RBFOX1: variants seen among roughly 807,000 people sequenced by gnomAD.
RBFOX1 encodes RNA binding fox-1 homolog 1.
RBFOX1 carries 8 observed loss-of-function variants against 57.7 expected under a neutral mutation model. That is an observed-to-expected ratio of 0.14 (90% confidence interval 0.08 to 0.25). The LOEUF (loss-of-function observed/expected upper bound fraction) is 0.25, where lower values mean the gene tolerates loss of function less well. Among genes scored for constraint, RBFOX1 ranks in the 10% least tolerant of loss-of-function variants. RBFOX1 has a pLI of 1.00. For synonymous variants in RBFOX1, 326 were observed against 222.4 expected (o/e 1.47, Z -4.15); for missense variants, 611 against 548.5 (o/e 1.11, Z -1.14).
At chr16:6,977,416 C>T (rs1403024342) in intron 3 of RBFOX1, among the ~76,000 whole-genome samples, 1 of 152,022 alleles carries the variant, frequency 6.6e-6, no homozygotes, top group Non-Finnish European at 1.5e-5. Flanking sequence ...GTTTAGCAAA[C>T]ATTATTTACT....
chr16:7,446,955 G>A (rs1177807344), intron 4 of RBFOX1, among the ~76,000 whole-genome samples: 1 of 151,476 alleles, frequency 6.6e-6, no homozygotes, highest in Non-Finnish European at 1.5e-5. Context: ...TGGGACTACA[G>A]GTGCCCGCCA....
At chr16:6,972,837 C>A (rs1156336369) in intron 3 of RBFOX1, among the ~76,000 whole-genome samples, 3 of 152,018 alleles carry the variant, frequency 2.0e-5, no homozygotes, top group African/African-American at 7.3e-5. Context: ...AAACCAGAGA[C>A]AAGGGGCCGG....
chr16:6,863,420 G>C lies in RBFOX1; in HGVS notation c.-15-188637G>C, dbSNP rs138602432. Reference sequence around the variant, plus strand: ...AAGCTCCTTACTAAAATTTAGAAAAGGCCCATAATGGAAGGAACTAAGCAA... The same window carrying C: ...AAGCTCCTTACTAAAATTTAGAAAACGCCCATAATGGAAGGAACTAAGCAA... On this transcript the variant is annotated intron_variant, in intron 3 of 15. Coordinates refer to ENST00000550418, the MANE Select transcript of RBFOX1 (RefSeq NM_018723.4). Among the ~76,000 whole-genome samples the C allele has an allele frequency of 1.3e-3, 205 of 152,058 alleles. 1 individual carries two copies. The highest frequency in any genetic ancestry group is 4.8e-3 in the African/African-American group (200 of 41,458).
intron 2 of RBFOX1, among the ~76,000 whole-genome samples, chr16:5,509,570 A>T (rs2043506020): frequency 6.6e-6 from 1 of 152,172 alleles, no homozygotes; most frequent in Non-Finnish European, 1.5e-5. Flanking sequence ...GTGTTGTTAG[A>T]GTCTTTGTCT....
chr16:6,300,894 A>C (rs2078740506), intron 1 of RBFOX1, among the ~76,000 whole-genome samples: 1 of 152,158 alleles, frequency 6.6e-6, no homozygotes, highest in Non-Finnish European at 1.5e-5. Context: ...TTGTTTAGAA[A>C]ATGGAATGCC....
At chr16:6,840,243 C>G (rs964408352) in intron 3 of RBFOX1, among the ~76,000 whole-genome samples, 1 of 152,082 alleles carries the variant, frequency 6.6e-6, no homozygotes, top group Non-Finnish European at 1.5e-5. Context: ...AAAGCTTTGT[C>G]CATCTTTTAG....
intron 3 of RBFOX1, among the ~76,000 whole-genome samples, chr16:5,853,032 C>G (rs1021763100): frequency 6.6e-6 from 1 of 152,024 alleles, no homozygotes; most frequent in Non-Finnish European, 1.5e-5. Context: ...GCTCATTATA[C>G]TGTAATAGAA....
At chr16:6,655,336 C>T (rs1430543693) in intron 3 of RBFOX1, among the ~76,000 whole-genome samples, 2 of 130,180 alleles carry the variant, frequency 1.5e-5, no homozygotes, top group East Asian at 2.3e-4. Context: ...ATTGCACCAG[C>T]GCACTCCAGC....
chr16:7,348,194 T>C (rs920252091), intron 4 of RBFOX1, among the ~76,000 whole-genome samples: 3 of 152,208 alleles, frequency 2.0e-5, no homozygotes, highest in African/African-American at 7.2e-5. Flanking sequence ...TATATGCATA[T>C]ACCACATAGA....
intron 5 of RBFOX1, among the ~76,000 whole-genome samples, chr16:7,520,019 G>A (rs904394591): frequency 6.6e-6 from 1 of 152,062 alleles, no homozygotes; most frequent in African/African-American, 2.4e-5. Context: ...CCGAGTAGCT[G>A]GGACTACAGG....
intron 5 of RBFOX1, among the ~76,000 whole-genome samples, chr16:7,525,116 C>G (rs1001027274): frequency 7.2e-5 from 11 of 152,200 alleles, no homozygotes; most frequent in Non-Finnish European, 1.2e-4. Context: ...TCCTCTATCT[C>G]TATCTTTATC....
chr16:6,736,118 A>G (rs2070221569), intron 3 of RBFOX1, among the ~76,000 whole-genome samples: 2 of 152,142 alleles, frequency 1.3e-5, no homozygotes, highest in South Asian at 4.2e-4. Context: ...AGGAGACATA[A>G]ATACAATTTA....
intron 3 of RBFOX1, among the ~76,000 whole-genome samples, chr16:6,713,439 T>C (rs1027724064): frequency 2.2e-4 from 33 of 152,164 alleles, no homozygotes; most frequent in Non-Finnish European, 5.9e-5. Flanking sequence ...TATTGGGACA[T>C]TTAGAGCTGA....
intron 4 of RBFOX1, among the ~76,000 whole-genome samples, chr16:7,250,743 G>A (rs1426408606): frequency 6.6e-6 from 1 of 152,112 alleles, no homozygotes; most frequent in African/African-American, 2.4e-5. Context: ...TACCAGGGAG[G>A]GTCATGCTGT....
intron 4 of RBFOX1, among the ~76,000 whole-genome samples, chr16:7,292,018 ATATAT>A (rs535601795): frequency 0.022 from 3,105 of 141,026 alleles, 106 homozygotes; most frequent in African/African-American, 0.075. Context: ...TATATATTGT[ATATAT>A]TATATTATAC....
intron 3 of RBFOX1, among the ~76,000 whole-genome samples, chr16:6,848,466 C>T (rs569735631): frequency 9.7e-4 from 148 of 152,230 alleles, no homozygotes; most frequent in Non-Finnish European, 1.6e-3. Flanking sequence ...ACCCGATTGC[C>T]AGCCCACCTT....
intron 3 of RBFOX1, among the ~76,000 whole-genome samples, chr16:5,728,363 CT>C (rs2052233240): frequency 1.3e-5 from 2 of 152,308 alleles, no homozygotes; most frequent in Admixed American, 6.5e-5. Context: ...TAAGTTGAAA[CT>C]TCCTAAGCAC....
At chr16:7,358,628 C>A (rs538305366) in intron 4 of RBFOX1, among the ~76,000 whole-genome samples, 2 of 152,138 alleles carry the variant, frequency 1.3e-5, no homozygotes, top group Non-Finnish European at 2.9e-5. Context: ...CCATGTTGGC[C>A]AAGCTGGTCT....
intron 2 of RBFOX1, among the ~76,000 whole-genome samples, chr16:6,348,206 G>C (rs891943322): frequency 2.6e-5 from 4 of 152,146 alleles, no homozygotes; most frequent in African/African-American, 4.8e-5. Flanking sequence ...GCACATGTGG[G>C]GTCAGGCCAT....
Sources: gnomAD v4.1 joint callset for allele counts (sites outside exome capture counted in the v4.1 genomes callset) on GRCh38, gnomAD v4.1.1 for gene constraint, MANE v1.5 for transcripts, NCBI Gene and HGNC (gene_info 2026-07-23, HGNC 2026-07-21) for gene names.